Variants in TCERG1 observed in about 807,000 individuals in gnomAD.
TCERG1 encodes TATA box binding protein (TBP)-associated factor, RNA polymerase II, S, 150kD.
A neutral mutation model predicts 144.7 loss-of-function variants in TCERG1; 37 were observed. That is an observed-to-expected ratio of 0.26 (90% CI 0.20 to 0.34). The LOEUF (loss-of-function observed/expected upper bound fraction) is 0.34. Ranked by LOEUF, TCERG1 falls within the 10% of genes least tolerant of loss-of-function variation. The probability of loss-of-function intolerance (pLI) is 1.00; values close to 1 mark genes in which losing one functional copy is unlikely to be tolerated. For synonymous variants in TCERG1, 492 were observed against 458.2 expected, an observed-to-expected ratio of 1.07 and a Z score of -0.94; for missense variants, 1,027 against 1,380.7, an observed-to-expected ratio of 0.74 and a Z score of 4.06.
In TCERG1 at chr5:146,483,632, A is replaced by T. The variant is rs1382054896; in HGVS notation, c.2163+3A>T. 1 of 1,607,570 alleles carries T rather than the reference A, an allele frequency of 6.2e-7. No homozygotes were observed. The highest frequency in any genetic ancestry group is 1.3e-5 in the African/African-American group (1 of 74,614). ...TCAATCCTAAAGAGAGAAAACAGGT[A>T]AAAGGAAAATGGCATTAACTAAGAA... is the stretch of plus-strand genomic sequence containing the variant. On this transcript the variant is annotated splice_donor_region_variant and intron_variant, in intron 15 of 22. Transcript: ENST00000679501.
rs1765553588 is a variant in TCERG1 at position 146,483,562 on chromosome 5, A to G, written c.2096A>G (p.Glu699Gly). The change falls in exon 15 of 23, where the codon GAG becomes GGG. Residue 699 changes from glutamate (E) to glycine (G), a missense_variant. Physicochemically the swap from Glu to Gly is moderately conservative, Grantham distance 98. Transcript: ENST00000679501. ...AAGGTGTCTGCTTTTTCAACGTGGG[A>G]GAAGGAGTTGCACAAGATAGTTTTT... is the stretch of plus-strand genomic sequence containing the variant. ...ERGVSAFSTWEKELHKIVFDP... is the reference protein window; with the variant it reads ...ERGVSAFSTWGKELHKIVFDP... 6.2e-7 allele frequency: 1 copy of G among 1,612,610 alleles called. No homozygotes were observed. Among genetic ancestry groups the G allele is most frequent in the African/African-American group, 1.3e-5 (1 of 74,828 alleles).
At chr5:146,501,448 A>ATT (rs1378475755) in intron 17 of TCERG1, among the ~76,000 whole-genome samples, 1 of 152,260 alleles carries the variant, frequency 6.6e-6, no homozygotes, top group Non-Finnish European at 1.5e-5. Context: ...TACATCACAC[A>ATT]TTTAAAAACC....
chr5:146,492,522 C>T (rs1766523300), intron 15 of TCERG1, among the ~76,000 whole-genome samples: 1 of 152,094 alleles, frequency 6.6e-6, no homozygotes, highest in Non-Finnish European at 1.5e-5. Flanking sequence ...AGTGAAAATA[C>T]TTATGTCTTA....
chr5:146,501,013 A>G (rs1767382664), intron 17 of TCERG1, among the ~76,000 whole-genome samples: 1 of 151,920 alleles, frequency 6.6e-6, no homozygotes, highest in African/African-American at 2.4e-5. Context: ...TCAAAAAAAA[A>G]AAAAAAGAAA....
chr5:146,482,455 C>T, intron 13 of TCERG1, 137 bp from the exon 14 acceptor site: 1 of 643,278 alleles, frequency 1.6e-6, no homozygotes, highest in Non-Finnish European at 2.5e-6. Flanking sequence ...TCATTTGAAA[C>T]CCTCAATATA....
intron 4 of TCERG1, among the ~76,000 whole-genome samples, chr5:146,460,741 T>C (rs1035607089): frequency 6.6e-6 from 1 of 152,232 alleles, no homozygotes; most frequent in African/African-American, 2.4e-5. Context: ...TTAGACATTT[T>C]GTAGCGGGGG....
chr5:146,482,351 A>G, intron 13 of TCERG1: 1 of 297,734 alleles, frequency 3.4e-6, no homozygotes, highest in Non-Finnish European at 6.2e-6. Flanking sequence ...ACAGCCCATT[A>G]AAGGTGTATT....
intron 1 of TCERG1, among the ~76,000 whole-genome samples, chr5:146,451,733 G>T (rs1280240944): frequency 7.0e-6 from 1 of 142,536 alleles, no homozygotes; most frequent in African/African-American, 2.6e-5. Flanking sequence ...TTACAGTCCT[G>T]GTTATACCAG....
chr5:146,465,335 T>G (rs1048224970), intron 5 of TCERG1, among the ~76,000 whole-genome samples: 2 of 152,192 alleles, frequency 1.3e-5, no homozygotes, highest in African/African-American at 4.8e-5. Flanking sequence ...GTTGAAGTAT[T>G]TTGAAAGGCT....
chr5:146,447,866 C>A (rs1762020606), intron 1 of TCERG1, among the ~76,000 whole-genome samples: 1 of 152,274 alleles, frequency 6.6e-6, no homozygotes, highest in African/African-American at 2.4e-5. Context: ...ACGCCCTCCG[C>A]GGCTCTTTGG....
chr5:146,468,013 C>T (rs1763940349), intron 5 of TCERG1, among the ~76,000 whole-genome samples: 1 of 152,152 alleles, frequency 6.6e-6, no homozygotes, highest in African/African-American at 2.4e-5. Flanking sequence ...GTTTGATGTC[C>T]TGTGGGAAAA....
Position 146,504,075 on chromosome 5 carries a change from T to C in TCERG1, c.2781+69T>C, listed in dbSNP as rs778417610. ...TTGGAAATTTATTATGTTACTGTTA[T>C]GAATATTTTAATGTTCTTTAATTCT... On this transcript the variant is annotated intron_variant, in intron 19 of 22. Transcript: ENST00000679501. 6.9e-6 allele frequency: 9 copies of C among 1,308,006 alleles called. No homozygotes were observed. The East Asian group carries it at 1.3e-4, about 19-fold the overall frequency. 81.0% of individuals were successfully genotyped at this position (1,308,006 alleles called of 1,614,324 possible). A position where few individuals can be genotyped will look rare whatever the true frequency, so the allele number is the denominator to read the frequency against.
chr5:146,465,557 T>G (rs1581420981), intron 5 of TCERG1, among the ~76,000 whole-genome samples: 1 of 152,198 alleles, frequency 6.6e-6, no homozygotes, highest in Non-Finnish European at 1.5e-5. Context: ...GCTCCATCAT[T>G]AAAAAGATTT....
At position 146,485,834 on chromosome 5, in the gene TCERG1, A is replaced by C. The variant is rs1435237690; in HGVS notation, c.2163+2205A>C. ...CTTAGCCTCCCAAGTAGCTGGGATT[A>C]CAAGCGTGCACCACCATGCCCGGCT... On this transcript the variant is annotated intron_variant, in intron 15 of 22. Coordinates refer to ENST00000679501, the MANE Select transcript of TCERG1 (RefSeq NM_001382548.1). Among the ~76,000 whole-genome samples the C allele has an allele frequency of 2.0e-5, 3 of 152,140 alleles. No homozygotes were observed. The East Asian group carries it at 5.8e-4, about 29-fold the overall frequency.
chr5:146,480,207 T>C, intron 12 of TCERG1, 113 bp downstream of exon 12: 2 of 746,082 alleles, frequency 2.7e-6, no homozygotes, highest in Non-Finnish European at 4.4e-6. Context: ...GAGGCATGAT[T>C]GCTCTCTTAG....
chr5:146,503,862 A>G lies in TCERG1; in HGVS notation c.2637A>G (p.Gln879=). 1 of 1,608,304 alleles carries G rather than the reference A, an allele frequency of 6.2e-7. No homozygotes were observed. The highest frequency in any genetic ancestry group is 8.5e-7 in the Non-Finnish European group (1 of 1,178,348). The stretch of plus-strand genomic sequence containing the variant: ...AAAAAGAAAAGGAGCTTGAAAGGCA[A>G]GCCCGCATTGAGGCAAGCCTTCGAG... ...DSEKEKELER[Q]ARIEASLRER... is the part of the protein sequence containing the mutation. The change falls in exon 19 of 23, where the codon CAA becomes CAG. Residue 879 remains glutamine, a synonymous_variant. Transcript: ENST00000679501.
chr5:146,474,257 G>A (rs1175317571), intron 9 of TCERG1, among the ~76,000 whole-genome samples: 1 of 152,180 alleles, frequency 6.6e-6, no homozygotes, highest in Non-Finnish European at 1.5e-5. Context: ...AGACTTCAGT[G>A]AAGGAAGTCA....
chr5:146,459,051 A>AGGCCCAGGCTCAG lies in TCERG1; in HGVS notation c.607_608insGCCCAGGCTCAGG (p.Ala203GlyfsTer67). ...AGGCGCAGGCTCAGGCCCAGGCACA[A>AGGCCCAGGCTCAG]GCTCAGGCCCAGGCTCAGGCTCAGG... On this transcript the variant is annotated frameshift_variant, in exon 4 of 23. Coordinates refer to ENST00000679501, the MANE Select transcript of TCERG1 (RefSeq NM_001382548.1). LOFTEE classifies it high-confidence loss of function. 6.3e-7 allele frequency: 1 copy of AGGCCCAGGCTCAG among 1,597,356 alleles called. No homozygotes were observed. The highest frequency in any genetic ancestry group is 1.4e-5 in the African/African-American group (1 of 73,890).
In TCERG1 at chr5:146,478,357, T is replaced by A. The variant is rs1765041199; in HGVS notation, c.1602-136T>A. On this transcript the variant is annotated intron_variant, in intron 9 of 22. Coordinates refer to ENST00000679501, the MANE Select transcript of TCERG1 (RefSeq NM_001382548.1). ...CTTGTAAAAACCATGTTTGGTTCTCTGTAAATAACTATTGGTAATAAGAAC... is the reference window on the plus strand; with the variant it reads ...CTTGTAAAAACCATGTTTGGTTCTCAGTAAATAACTATTGGTAATAAGAAC... 4 of 859,702 alleles carry A rather than the reference T, an allele frequency of 4.7e-6. No individual in the cohort carries two copies. The South Asian group carries it at 1.7e-4, about 36-fold the overall frequency. The allele number at this position is 859,702 out of a possible 1,614,324, so 53.3% of individuals were successfully genotyped here.
Sources: allele counts gnomAD v4.1 joint callset (sites outside exome capture counted in the v4.1 genomes callset), GRCh38; gene constraint gnomAD v4.1.1; transcripts MANE v1.5; gene names NCBI Gene and HGNC (gene_info 2026-07-23, HGNC 2026-07-21).